The following SAMD12 variants were observed in gnomAD, a reference collection of about 807,000 sequenced individuals.
SAMD12 encodes the protein sterile alpha motif domain containing 12, also known as sterile alpha motif domain-containing protein 12.
SAMD12 carries 9 observed loss-of-function variants against 15.0 expected under a neutral mutation model. That is an observed-to-expected ratio of 0.60 (90% CI 0.36 to 1.05). SAMD12 has a LOEUF of 1.05. SAMD12 is among the 50% of genes least tolerant of loss of function. The pLI, the probability that SAMD12 is intolerant of heterozygous loss-of-function variation, is 0.01. For missense variants in SAMD12, 230 were observed against 234.2 expected (o/e 0.98, Z 0.12); for synonymous variants, 86 against 90.1 (o/e 0.96, Z 0.25).
intron 4 of SAMD12, among the ~76,000 whole-genome samples, chr8:118,301,982 C>A (rs1815055677): frequency 6.6e-6 from 1 of 150,488 alleles, no homozygotes. Flanking sequence ...TTAGAAAGCT[C>A]GGGCTAGGGA....
intron 2 of SAMD12, among the ~76,000 whole-genome samples, chr8:118,472,312 C>T (rs1823823898): frequency 1.3e-5 from 2 of 151,018 alleles, no homozygotes; most frequent in Admixed American, 6.6e-5. Context: ...AGTACAAGTA[C>T]ATAATAATGC....
chr8:118,355,515 GA>G (rs926579371), intron 4 of SAMD12, among the ~76,000 whole-genome samples: 14 of 151,958 alleles, frequency 9.2e-5, no homozygotes, highest in Middle Eastern at 3.4e-3. Flanking sequence ...AAAGCTTATG[GA>G]AAAAAAATTA....
intron 2 of SAMD12, among the ~76,000 whole-genome samples, chr8:118,547,732 T>C (rs1472786852): frequency 2.6e-5 from 4 of 152,254 alleles, no homozygotes; most frequent in African/African-American, 9.6e-5. Context: ...AACTTTTTTC[T>C]ATACCATATA....
At chr8:118,193,710 C>T (rs748855143) in exon 5 of SAMD12, 2 of 151,926 alleles carry the variant, frequency 1.3e-5, no homozygotes, top group Non-Finnish European at 1.5e-5. Flanking sequence ...TTGTTGAGTT[C>T]TTTATAGAAT....
chr8:118,281,341 C>G (rs1813640154), intron 4 of SAMD12, among the ~76,000 whole-genome samples: 1 of 152,116 alleles, frequency 6.6e-6, no homozygotes, highest in African/African-American at 2.4e-5. Flanking sequence ...GAGGAGATCC[C>G]CTTCCTTCGA....
chr8:118,322,444 G>A (rs774182108), intron 4 of SAMD12, among the ~76,000 whole-genome samples: 8 of 152,228 alleles, frequency 5.3e-5, no homozygotes, highest in Non-Finnish European at 1.0e-4. Context: ...CCTGTGGGCA[G>A]TTCATCAGCT....
intron 1 of SAMD12, among the ~76,000 whole-genome samples, chr8:118,592,113 G>A (rs912971724): frequency 6.6e-6 from 1 of 152,140 alleles, no homozygotes; most frequent in African/African-American, 2.4e-5. Context: ...CCTGAGGTCG[G>A]GAGTTCGAGA....
the SAMD12 span, among the ~76,000 whole-genome samples, chr8:118,152,450 C>CCCTT: frequency 3.5e-4 from 37 of 106,464 alleles, no homozygotes; most frequent in African/African-American, 5.4e-4. Flanking sequence ...CTTCCTCCCT[C>CCCTT]CCTCCCTACC....
At chr8:118,606,753 C>G (rs773968580) in intron 1 of SAMD12, among the ~76,000 whole-genome samples, 4 of 152,114 alleles carry the variant, frequency 2.6e-5, no homozygotes, top group Non-Finnish European at 4.4e-5. Context: ...CCTCAACGCC[C>G]TAGAAACCTA....
chr8:118,523,825 G>C (rs1169640875), intron 2 of SAMD12, among the ~76,000 whole-genome samples: 1 of 152,052 alleles, frequency 6.6e-6, no homozygotes, highest in African/African-American at 2.4e-5. Flanking sequence ...TCTGAAAACA[G>C]AGAAGCCATC....
intron 4 of SAMD12, among the ~76,000 whole-genome samples, chr8:118,326,692 G>C (rs990849071): frequency 6.6e-6 from 1 of 152,058 alleles, no homozygotes; most frequent in African/African-American, 2.4e-5. Context: ...AATCCTGCAG[G>C]ACCCACATAT....
intron 4 of SAMD12, among the ~76,000 whole-genome samples, chr8:118,318,881 C>G (rs960685249): frequency 2.0e-5 from 3 of 152,032 alleles, no homozygotes; most frequent in Non-Finnish European, 4.4e-5. Context: ...GAAGCTGTGG[C>G]TAGCTAACTG....
At chr8:118,544,123 A>C (rs7005188) in intron 2 of SAMD12, among the ~76,000 whole-genome samples, 35,085 of 152,054 alleles carry the variant, frequency 0.23, 5,509 homozygotes, top group African/African-American at 0.45. Context: ...GCTCTTCTCC[A>C]AATGGCAATA....
intron 4 of SAMD12, among the ~76,000 whole-genome samples, chr8:118,317,390 C>T (rs968592931): frequency 1.6e-4 from 25 of 152,080 alleles, no homozygotes; most frequent in African/African-American, 5.1e-4. Context: ...TACTTAAATA[C>T]GAGAATTATG....
intron 2 of SAMD12, among the ~76,000 whole-genome samples, chr8:118,466,419 A>G (rs1586739795): frequency 6.6e-6 from 1 of 152,350 alleles, no homozygotes; most frequent in Middle Eastern, 3.4e-3. Context: ...ATTACACTAC[A>G]TAATTATATG....
chr8:118,302,075 A>G (rs1210490526), intron 4 of SAMD12, among the ~76,000 whole-genome samples: 1 of 95,912 alleles, frequency 1.0e-5, no homozygotes, highest in Non-Finnish European at 1.7e-5. Context: ...CAGATCTTTG[A>G]GAGTTTTTTT....
chr8:118,491,243 T>C (rs1824433632), intron 2 of SAMD12, among the ~76,000 whole-genome samples: 1 of 152,194 alleles, frequency 6.6e-6, no homozygotes, highest in South Asian at 2.1e-4. Flanking sequence ...CTCTTTCATC[T>C]AAGTCATTCT....
At chr8:118,383,676 C>A (rs930250089) in intron 3 of SAMD12, among the ~76,000 whole-genome samples, 11 of 152,170 alleles carry the variant, frequency 7.2e-5, no homozygotes, top group Admixed American at 5.2e-4. Flanking sequence ...TACCATCAAA[C>A]TTGTTATAAC....
intron 3 of SAMD12, among the ~76,000 whole-genome samples, chr8:118,411,639 TTC>T (rs1821410934): frequency 6.6e-6 from 1 of 152,164 alleles, no homozygotes; most frequent in Non-Finnish European, 1.5e-5. Flanking sequence ...TTATGCATGT[TTC>T]TTTGTCTAAT....
Sources: gnomAD v4.1 joint callset for allele counts (sites outside exome capture counted in the v4.1 genomes callset) on GRCh38, gnomAD v4.1.1 for gene constraint, MANE v1.5 for transcripts, NCBI Gene and HGNC (gene_info 2026-07-23, HGNC 2026-07-21) for gene names.